The following RANBP2 variants were observed in gnomAD, a reference collection of about 807,000 sequenced individuals.
RANBP2 encodes the protein RAN binding protein 2.
A neutral mutation model predicts 303.6 loss-of-function variants in RANBP2; 57 were observed. The observed-to-expected ratio is 0.19, with a 90% CI of 0.15 to 0.23. RANBP2 has a LOEUF of 0.23. RANBP2 is among the 10% of genes least tolerant of loss of function. The pLI, the probability that RANBP2 is intolerant of heterozygous loss-of-function variation, is 1.00. For synonymous variants in RANBP2, 1,167 were observed against 1,301.5 expected (o/e 0.90, Z 2.23); for missense variants, 3,138 against 3,780.8 (o/e 0.83, Z 4.46).
chr2:109,570,909 A>C, the RANBP2 span, among the ~76,000 whole-genome samples: 2 of 152,190 alleles, frequency 1.3e-5, no homozygotes, highest in Non-Finnish European at 2.9e-5. Flanking sequence ...TGTGTGGCTT[A>C]ACCATGGCGA....
chr2:109,718,219 A>G, the RANBP2 span, among the ~76,000 whole-genome samples: 1 of 152,330 alleles, frequency 6.6e-6, no homozygotes, highest in East Asian at 1.9e-4. Flanking sequence ...CTCTGAAGGT[A>G]TGAACCCAAG....
chr2:109,553,313 G>A, the RANBP2 span: 4 of 1,312,494 alleles, frequency 3.0e-6, no homozygotes, highest in South Asian at 5.4e-5. Context: ...GGGAGGCCGA[G>A]GCAGGTGGAT....
chr2:109,181,021 C>G, the RANBP2 span, among the ~76,000 whole-genome samples: 27 of 152,208 alleles, frequency 1.8e-4, no homozygotes, highest in African/African-American at 5.5e-4. Flanking sequence ...TTTTCCCCTT[C>G]TTGACAAAGT....
the RANBP2 span, among the ~76,000 whole-genome samples, chr2:109,089,063 G>A: frequency 1.3e-5 from 2 of 152,090 alleles, no homozygotes; most frequent in African/African-American, 4.8e-5. Flanking sequence ...GGCACAGTGG[G>A]GAAAAGTAAA....
the RANBP2 span, among the ~76,000 whole-genome samples, chr2:109,516,852 A>C: frequency 0.086 from 13,113 of 152,266 alleles, 1,042 homozygotes; most frequent in East Asian, 0.24. Context: ...CGATATTTTT[A>C]GTGCAAAGAA....
the RANBP2 span, among the ~76,000 whole-genome samples, chr2:109,521,101 C>T: frequency 6.6e-6 from 1 of 151,934 alleles, no homozygotes; most frequent in African/African-American, 2.4e-5. Context: ...CCTGTAGTCC[C>T]AGCTACTCGG....
At chr2:109,613,883 G>C in the RANBP2 span, 111 of 1,230,066 alleles carry the variant, frequency 9.0e-5, no homozygotes, top group Middle Eastern at 3.1e-4. Flanking sequence ...CGAGCGGCTG[G>C]TCCCGGCGAC....
At chr2:109,362,638 G>A in the RANBP2 span, among the ~76,000 whole-genome samples, 5 of 152,196 alleles carry the variant, frequency 3.3e-5, no homozygotes, top group African/African-American at 1.2e-4. Context: ...CTGATTTTCT[G>A]CTTGCTGTCT....
At chr2:109,490,117 C>T in the RANBP2 span, among the ~76,000 whole-genome samples, 2 of 152,184 alleles carry the variant, frequency 1.3e-5, no homozygotes, top group East Asian at 3.8e-4. Flanking sequence ...CCTGATGGAA[C>T]CATTCTCCAT....
the RANBP2 span, among the ~76,000 whole-genome samples, chr2:109,132,570 C>T: frequency 1.1e-4 from 17 of 152,274 alleles, no homozygotes; most frequent in Middle Eastern, 3.4e-3. Flanking sequence ...TACCCAGTGA[C>T]GAGTACCCAT....
chr2:108,995,811 G>A, the RANBP2 span, among the ~76,000 whole-genome samples: 1 of 152,162 alleles, frequency 6.6e-6, no homozygotes, highest in Admixed American at 6.5e-5. Flanking sequence ...GTGTGAACAT[G>A]ACAGCTGGGT....
the RANBP2 span, among the ~76,000 whole-genome samples, chr2:108,823,933 C>T: frequency 2.6e-5 from 4 of 151,584 alleles, no homozygotes; most frequent in African/African-American, 9.7e-5. Flanking sequence ...GCCAAGATCG[C>T]GCCACTGCAC....
the RANBP2 span, among the ~76,000 whole-genome samples, chr2:109,460,340 C>T: frequency 6.6e-6 from 1 of 152,192 alleles, no homozygotes; most frequent in Non-Finnish European, 1.5e-5. Flanking sequence ...TCACCTTGCC[C>T]CCAGGTGGAT....
At chr2:109,423,502 CAG>C in the RANBP2 span, among the ~76,000 whole-genome samples, 2 of 152,216 alleles carry the variant, frequency 1.3e-5, no homozygotes, top group African/African-American at 4.8e-5. Context: ...CAACACAAGA[CAG>C]GGGCACCTTC....
At chr2:109,269,979 A>G in the RANBP2 span, among the ~76,000 whole-genome samples, 4 of 152,230 alleles carry the variant, frequency 2.6e-5, no homozygotes, top group African/African-American at 9.6e-5. Flanking sequence ...ACAGAAATTA[A>G]TGAAGCCCTA....
At chr2:109,118,148 G>A in the RANBP2 span, among the ~76,000 whole-genome samples, 10 of 152,164 alleles carry the variant, frequency 6.6e-5, no homozygotes, top group South Asian at 2.1e-4. Context: ...GAGATAAGCT[G>A]TTTCTACTGA....
At chr2:108,770,429 T>A (rs1320517197) in intron 20 of RANBP2, among the ~76,000 whole-genome samples, 4 of 152,250 alleles carry the variant, frequency 2.6e-5, no homozygotes, top group Non-Finnish European at 5.9e-5. Flanking sequence ...AGCAGTGTCA[T>A]CCAGTAGAAA....
At chr2:108,752,406 A>G (rs550461761) in intron 12 of RANBP2, among the ~76,000 whole-genome samples, 64 of 152,100 alleles carry the variant, frequency 4.2e-4, no homozygotes, top group African/African-American at 1.3e-3. Context: ...GGTTTCAGCT[A>G]TCTAAAAATG....
chr2:109,251,625 G>A, the RANBP2 span: 5 of 1,359,964 alleles, frequency 3.7e-6, no homozygotes, highest in Non-Finnish European at 5.3e-6. Flanking sequence ...GTATCATCAT[G>A]TTAGAAGCCT....
Sources: gnomAD v4.1 joint callset for allele counts (sites outside exome capture counted in the v4.1 genomes callset) on GRCh38, gnomAD v4.1.1 for gene constraint, MANE v1.5 for transcripts, NCBI Gene and HGNC (gene_info 2026-07-23, HGNC 2026-07-21) for gene names.